POLK: variants seen among roughly 807,000 people sequenced by gnomAD.
The protein encoded by POLK is DNA polymerase kappa.
POLK carries 76 observed loss-of-function variants against 94.0 expected under a neutral mutation model. The observed-to-expected ratio is 0.81, with a 90% CI of 0.67 to 0.98. The LOEUF is 0.98. Ranked by LOEUF, POLK falls within the 50% of genes least tolerant of loss-of-function variation. POLK has a pLI of 0.00. For synonymous variants in POLK, 349 were observed against 325.4 expected, an observed-to-expected ratio of 1.07 and a Z score of -0.78; for missense variants, 954 against 1,010.1, an observed-to-expected ratio of 0.94 and a Z score of 0.75.
At chr5:75,554,552 A>AC (rs1306749774) in intron 3 of POLK, among the ~76,000 whole-genome samples, 34 of 152,122 alleles carry the variant, frequency 2.2e-4, no homozygotes, top group Non-Finnish European at 2.6e-4. Context: ...TTTGTTATAT[A>AC]AATAAACTGG....
chr5:75,552,476 C>A (rs755311968), exon 3 of POLK: 1 of 1,610,636 alleles, frequency 6.2e-7, no homozygotes, highest in East Asian at 2.2e-5. Context: ...CCATAGGGGT[C>A]CAGATTTTAT....
chr5:75,580,078 T>C (rs1179986146), intron 6 of POLK, among the ~76,000 whole-genome samples: 2 of 152,006 alleles, frequency 1.3e-5, no homozygotes, highest in African/African-American at 4.8e-5. Context: ...ATGACTTACT[T>C]CACACTACAT....
intron 3 of POLK, among the ~76,000 whole-genome samples, chr5:75,557,820 C>T (rs555605794): frequency 7.7e-4 from 117 of 152,216 alleles, no homozygotes; most frequent in Non-Finnish European, 1.4e-3. Flanking sequence ...GACAGAGTCT[C>T]CCTCTGTCAC....
At chr5:75,598,097 G>C (rs954878402) in exon 15 of POLK, 13 of 610,874 alleles carry the variant, frequency 2.1e-5, no homozygotes, top group Non-Finnish European at 3.5e-5. Context: ...CTGATTTTAA[G>C]TTTGCAGATT....
rs777611187 is a variant in POLK, at chr5:75,569,509, T to A, written c.408+17T>A. On this transcript the variant is annotated intron_variant, in intron 4 of 14. Transcript: ENST00000241436. ...AGTATGCTGGTAAGTAAAGATCAAA[T>A]ACAAAAAGGAAATTTTATAACGTAC... 1 of 1,590,690 alleles carries A rather than the reference T, an allele frequency of 6.3e-7. No homozygotes were observed. Among genetic ancestry groups the A allele is most frequent in the Non-Finnish European group, 8.6e-7 (1 of 1,169,228 alleles).
intron 1 of POLK, among the ~76,000 whole-genome samples, chr5:75,539,363 G>A (rs1580964193): frequency 6.6e-6 from 1 of 151,902 alleles, no homozygotes; most frequent in African/African-American, 2.4e-5. Context: ...GAAGAAAATA[G>A]AATAATGATT....
At chr5:75,561,642 CTTATA>C (rs1314268634) in intron 3 of POLK, among the ~76,000 whole-genome samples, 2 of 152,166 alleles carry the variant, frequency 1.3e-5, no homozygotes, top group South Asian at 2.1e-4. Flanking sequence ...GGTTTTAGGT[CTTATA>C]TTTAAGTCTT....
chr5:75,518,820 T>C (rs1357878906), intron 1 of POLK, among the ~76,000 whole-genome samples: 1 of 152,208 alleles, frequency 6.6e-6, no homozygotes, highest in East Asian at 1.9e-4. Context: ...TGTGTTTCCA[T>C]TGTCATTTGA....
chr5:75,559,619 C>G lies in POLK; in HGVS notation c.255+7028C>G, dbSNP rs1456379928. Among the ~76,000 whole-genome samples the G allele has an allele frequency of 2.0e-5, 3 of 147,192 alleles. No individual in the cohort carries two copies. The East Asian group carries it at 6.1e-4, about 30-fold the overall frequency. On this transcript the variant is annotated intron_variant, in intron 3 of 14. Coordinates refer to ENST00000241436, the Ensembl canonical transcript of POLK. The stretch of plus-strand genomic sequence containing the variant: ...TGGTACCATCATGGCTCACTACAAC[C>G]TCCAACTACTGGGCTCAAACAGTCC...
intron 1 of POLK, among the ~76,000 whole-genome samples, chr5:75,530,383 TTTTTCCCTTTTTC>T (rs1769104590): frequency 6.7e-6 from 1 of 148,620 alleles, no homozygotes. Context: ...TTTGTATTTT[TTTTTCCCTTTTTC>T]TTTTTTTTTT....
At chr5:75,595,248 G>GAAAACAAAAAAAAAAAAAAAA (rs1773006886) in intron 12 of POLK, among the ~76,000 whole-genome samples, 1 of 24,880 alleles carries the variant, frequency 4.0e-5, no homozygotes. Context: ...CTCCACCTCA[G>GAAAACAAAAAAAAAAAAAAAA]AAAAAAAAAA....
At chr5:75,511,424 C>A (rs985372655), upstream of POLK, 2 of 1,542,140 alleles carry the variant, frequency 1.3e-6, no homozygotes, top group Non-Finnish European at 1.7e-6. Context: ...GTGAAGGAAG[C>A]CTACCCTTCC....
chr5:75,546,060 C>T (rs1013802872), intron 1 of POLK, among the ~76,000 whole-genome samples: 6 of 152,174 alleles, frequency 3.9e-5, no homozygotes, highest in Non-Finnish European at 7.3e-5. Flanking sequence ...TTGAACACCA[C>T]AGGGGCTAGG....
At chr5:75,545,569 A>G (rs536468797) in intron 1 of POLK, among the ~76,000 whole-genome samples, 4 of 152,340 alleles carry the variant, frequency 2.6e-5, no homozygotes, top group Non-Finnish European at 2.9e-5. Flanking sequence ...AAGCTAATGT[A>G]TGTGAAGATA....
intron 2 of POLK, among the ~76,000 whole-genome samples, chr5:75,551,080 G>T (rs1189418650): frequency 1.3e-5 from 2 of 150,564 alleles, no homozygotes; most frequent in Admixed American, 6.6e-5. Context: ...AAACCCTTAC[G>T]CCGTACACAA....
chr5:75,547,161 T>G lies in POLK; in HGVS notation c.135+4T>G. 1 of 1,504,956 alleles carries G rather than the reference T, an allele frequency of 6.6e-7. No individual in the cohort carries two copies. The highest frequency in any genetic ancestry group is 9.0e-7 in the Non-Finnish European group (1 of 1,107,888). The allele number at this position is 1,504,956 out of a possible 1,614,324, so 93.2% of individuals were successfully genotyped here. A position where few individuals can be genotyped will look rare whatever the true frequency, so the allele number is the denominator to read the frequency against. On this transcript the variant is annotated splice_donor_region_variant and intron_variant, in intron 2 of 14. Coordinates refer to ENST00000241436, the Ensembl canonical transcript of POLK. ...AATTATAATGGAAGCCACGAAGGTATGTTTCTTGTTTCTTTTGATGTGTGT... is the reference window on the plus strand; with the variant it reads ...AATTATAATGGAAGCCACGAAGGTAGGTTTCTTGTTTCTTTTGATGTGTGT...
chr5:75,587,156 T>G (rs1329542658), intron 10 of POLK, 98 bp downstream of exon 10: 2 of 733,768 alleles, frequency 2.7e-6, no homozygotes, highest in Non-Finnish European at 4.5e-6. Flanking sequence ...ATAAGAAATC[T>G]ATTTGCAAAT....
intron 1 of POLK, among the ~76,000 whole-genome samples, chr5:75,539,248 TTGC>T (rs1400742478): frequency 1.3e-5 from 2 of 151,858 alleles, no homozygotes; most frequent in Non-Finnish European, 2.9e-5. Flanking sequence ...CCACAACTTC[TTGC>T]TGCTTTTTTT....
intron 1 of POLK, among the ~76,000 whole-genome samples, chr5:75,531,009 G>A (rs184811970): frequency 5.2e-4 from 79 of 151,578 alleles, no homozygotes; most frequent in South Asian, 4.2e-4. Flanking sequence ...GAGTTTCACC[G>A]TGTTAGCCAG....
Sources: gnomAD v4.1 joint callset for allele counts (sites outside exome capture counted in the v4.1 genomes callset) on GRCh38, gnomAD v4.1.1 for gene constraint, MANE v1.5 for transcripts, NCBI Gene and HGNC (gene_info 2026-07-23, HGNC 2026-07-21) for gene names.